The following HIRA variants were observed in gnomAD, a reference collection of about 807,000 sequenced individuals.
HIRA encodes the protein protein HIRA.
In HIRA, 13 loss-of-function variants were observed where a neutral mutation model predicts 126.6. The ratio of observed to expected loss-of-function variants is 0.10; its 90% CI spans 0.07 to 0.16. The LOEUF (loss-of-function observed/expected upper bound fraction) is 0.16. Among genes scored for constraint, HIRA ranks in the 10% least tolerant of loss-of-function variants. The pLI is 1.00. For missense variants in HIRA, 834 were observed against 1,314.4 expected (o/e 0.63, Z 5.65); for synonymous variants, 511 against 520.0 (o/e 0.98, Z 0.24).
rs1416535368 is a variant in HIRA at position 19,351,827 on chromosome 22, G to C, written c.2849-381C>G. ...ATGCGCTGGCAGCTGGTGTTGAGGG[G>C]AGGTCAGGAGGGTGGGACGGCCAGC... On this transcript the variant is annotated intron_variant, in intron 23 of 24. Coordinates refer to ENST00000263208, the MANE Select transcript of HIRA (RefSeq NM_003325.4). This position sits in a 1 kb window ranked among gnomAD's most constrained non-coding sequence, Gnocchi z 4.8. Among the ~76,000 whole-genome samples, 1 of 152,150 alleles carries C rather than the reference G, an allele frequency of 6.6e-6. No homozygotes were observed. Among genetic ancestry groups the C allele is most frequent in the Non-Finnish European group, 1.5e-5 (1 of 68,030 alleles).
intron 22 of HIRA, 67 bp from the exon 23 acceptor site, chr22:19,353,586 G>A (rs1601811370): frequency 3.4e-6 from 5 of 1,460,660 alleles, no homozygotes; most frequent in Middle Eastern, 2.5e-4. Flanking sequence ...AACTGCCCCC[G>A]TGTGCAACAG....
intron 1 of HIRA, among the ~76,000 whole-genome samples, chr22:19,424,211 T>C (rs779448066): frequency 6.6e-6 from 1 of 152,220 alleles, no homozygotes; most frequent in African/African-American, 2.4e-5. Context: ...AGGTGTCTAA[T>C]AGAACTCCAG....
chr22:19,407,075 G>A lies in HIRA; in HGVS notation c.302+109C>T, dbSNP rs1227622772. 5.7e-5 allele frequency: 49 copies of A among 863,084 alleles called. No homozygotes were observed. In the South Asian group the frequency reaches 6.5e-4, roughly 11 times the overall value. The allele number at this position is 863,084 out of a possible 1,614,324, so 53.5% of individuals were successfully genotyped here. A position where few individuals can be genotyped will look rare whatever the true frequency, so the allele number is the denominator to read the frequency against. The stretch of plus-strand genomic sequence containing the variant: ...TACATGCACTTTCCACTACTTATGA[G>A]GTCAGGGCTATGGGAACTTCAGTGA... On this transcript the variant is annotated intron_variant, in intron 4 of 24. Coordinates refer to ENST00000263208, the MANE Select transcript of HIRA (RefSeq NM_003325.4).
chr22:19,405,533 T>C (rs2089301093), intron 5 of HIRA: 1 of 984,576 alleles, frequency 1.0e-6, no homozygotes, highest in Non-Finnish European at 1.2e-6. Flanking sequence ...TGGGAAGTTC[T>C]ACATTAAAGA....
chr22:19,430,373 C>T (rs1305137955), intron 1 of HIRA: 1 of 152,236 alleles, frequency 6.6e-6, no homozygotes, highest in Non-Finnish European at 1.5e-5. Context: ...AGAACACACA[C>T]ATGATCAGTT....
At chr22:19,387,429 GC>G (rs2045922327) in intron 11 of HIRA, among the ~76,000 whole-genome samples, 2 of 152,124 alleles carry the variant, frequency 1.3e-5, no homozygotes, top group South Asian at 4.1e-4. Flanking sequence ...CTTTCCCAGG[GC>G]AAAAACCTCC....
intron 24 of HIRA, among the ~76,000 whole-genome samples, chr22:19,337,518 T>G (rs1225612208): frequency 6.6e-6 from 1 of 151,926 alleles, no homozygotes; most frequent in Non-Finnish European, 1.5e-5. Context: ...TTATGTTAAA[T>G]GGCCAAACCT....
At chr22:19,399,040 A>T in intron 5 of HIRA, 2 of 749,632 alleles carry the variant, frequency 2.7e-6, no homozygotes, top group Non-Finnish European at 3.3e-6. Flanking sequence ...TGTAAGGATT[A>T]AATGTGATAA....
chr22:19,420,141 A>G (rs1298698175), intron 1 of HIRA, among the ~76,000 whole-genome samples: 2 of 151,952 alleles, frequency 1.3e-5, no homozygotes, highest in African/African-American at 4.8e-5. Flanking sequence ...ACTTCTCCTG[A>G]AGCATCTGCC....
chr22:19,371,508 A>G (rs2088964951), intron 15 of HIRA, among the ~76,000 whole-genome samples: 1 of 152,062 alleles, frequency 6.6e-6, no homozygotes, highest in African/African-American at 2.4e-5. Flanking sequence ...TCGCCACTTT[A>G]AAGTATAGAA....
intron 24 of HIRA, among the ~76,000 whole-genome samples, chr22:19,349,905 GTTC>G (rs1247812891): frequency 1.3e-5 from 2 of 151,946 alleles, no homozygotes; most frequent in African/African-American, 2.4e-5. Flanking sequence ...CTGCCTGGAT[GTTC>G]TTCTCCCAAA....
chr22:19,333,360 C>CT (rs144827892), intron 24 of HIRA, among the ~76,000 whole-genome samples: 2,283 of 152,002 alleles, frequency 0.015, 59 homozygotes, highest in African/African-American at 0.052. Flanking sequence ...CAACTTTATG[C>CT]TAAGAAATTT....
In HIRA at chr22:19,377,855, T is replaced by G. The variant is rs777225675; in HGVS notation, c.1613+14A>C. The G allele has an allele frequency of 1.3e-6, 2 of 1,590,254 alleles. No individual in the cohort carries two copies. Among genetic ancestry groups the G allele is most frequent in the South Asian group, 2.3e-5 (2 of 88,448 alleles). On this transcript the variant is annotated intron_variant, in intron 14 of 24. Transcript: ENST00000263208. ...TTTCCCCAGGGACAGGAACAAGCCT[T>G]GGCACCCACTAACCTGTCTTTATTG...
At position 19,351,226 on chromosome 22, in the gene HIRA, G is replaced by T. The variant is rs564119490; in HGVS notation, c.2937+132C>A. ...GTCGGCATGTCACCCTCTCACTGAT[G>T]CTGGGACCTGAGGCTGGGTGCTGGA... On this transcript the variant is annotated intron_variant, in intron 24 of 24. Coordinates refer to ENST00000263208, the MANE Select transcript of HIRA (RefSeq NM_003325.4). This position sits in a 1 kb window ranked among gnomAD's most constrained non-coding sequence, Gnocchi z 4.8. 1 of 1,410,718 alleles carries T rather than the reference G, an allele frequency of 7.1e-7. No homozygotes were observed. Among genetic ancestry groups the T allele is most frequent in the African/African-American group, 1.5e-5 (1 of 68,878 alleles). The allele number at this position is 1,410,718 out of a possible 1,614,324, so 87.4% of individuals were successfully genotyped here.
Position 19,355,999 on chromosome 22 carries a change from G to C in HIRA, c.2456-134C>G, listed in dbSNP as rs547602468. 25 of 731,252 alleles carry C rather than the reference G, an allele frequency of 3.4e-5. No homozygotes were observed. The Middle Eastern group carries it at 1.0e-3, about 30-fold the overall frequency. 45.3% of individuals were successfully genotyped at this position (731,252 alleles called of 1,614,324 possible). On this transcript the variant is annotated intron_variant, in intron 20 of 24. Coordinates refer to ENST00000263208, the MANE Select transcript of HIRA (RefSeq NM_003325.4). ...TGCATCAACACTGCCTTGGCAAATA[G>C]GGAGGGCAAGCCATTCTCCTTGCCA...
In HIRA at chr22:19,390,216, C is replaced by T. The variant is rs139204503; in HGVS notation, c.937-1662G>A. ...CAGTTCTTACCCTTGGGTTCTCACTCGCCAACTACCATTGAGTATATCTGC... is the reference window on the plus strand; with the variant it reads ...CAGTTCTTACCCTTGGGTTCTCACTTGCCAACTACCATTGAGTATATCTGC... On this transcript the variant is annotated intron_variant, in intron 9 of 24. Transcript: ENST00000263208. Among the ~76,000 whole-genome samples, 28 of 152,156 alleles carry T rather than the reference C, an allele frequency of 1.8e-4. 1 individual carries two copies. In the East Asian group the frequency reaches 4.6e-3, roughly 25 times the overall value.
At chr22:19,388,617 A>C in intron 9 of HIRA, 63 bp from the exon 10 acceptor site, 1 of 1,349,976 alleles carries the variant, frequency 7.4e-7, no homozygotes, top group Non-Finnish European at 1.1e-6. Context: ...TATTCAGCTC[A>C]GTTAACATAA....
At chr22:19,398,286 T>G (rs1461468849) in intron 5 of HIRA, among the ~76,000 whole-genome samples, 199 bp from the exon 6 acceptor site, 1 of 152,224 alleles carries the variant, frequency 6.6e-6, no homozygotes, top group Non-Finnish European at 1.5e-5. Flanking sequence ...TCACTCCTTT[T>G]ACAGACGAAG....
At chr22:19,391,419 G>T (rs908133520) in intron 9 of HIRA, among the ~76,000 whole-genome samples, 1 of 151,866 alleles carries the variant, frequency 6.6e-6, no homozygotes, top group Non-Finnish European at 1.5e-5. Flanking sequence ...GTGTAAACAT[G>T]TATGACAACT....
Sources: allele counts gnomAD v4.1 joint callset (sites outside exome capture counted in the v4.1 genomes callset), GRCh38; gene constraint gnomAD v4.1.1; non-coding constraint Gnocchi (gnomAD v3.1); transcripts MANE v1.5; gene names NCBI Gene and HGNC (gene_info 2026-07-23, HGNC 2026-07-21).